The following GABRB2 variants were observed in gnomAD, a reference collection of about 807,000 sequenced individuals.
The protein encoded by GABRB2 is gamma-aminobutyric acid type A receptor subunit beta2, also known as gamma-aminobutyric acid receptor subunit beta-2.
A neutral mutation model predicts 54.7 loss-of-function variants in GABRB2; 16 were observed. The ratio of observed to expected loss-of-function variants is 0.29; its 90% CI spans 0.20 to 0.44. The LOEUF (loss-of-function observed/expected upper bound fraction) is 0.44, where lower values mean the gene tolerates loss of function less well. GABRB2 is among the 20% of genes least tolerant of loss of function. GABRB2 has a pLI of 1.00. For missense variants in GABRB2, 355 were observed against 644.0 expected, an observed-to-expected ratio of 0.55 and a Z score of 4.86; for synonymous variants, 244 against 233.8, an observed-to-expected ratio of 1.04 and a Z score of -0.40.
At chr5:161,544,685 T>G (rs1356743718) in intron 3 of GABRB2, among the ~76,000 whole-genome samples, 4 of 152,110 alleles carry the variant, frequency 2.6e-5, no homozygotes, top group African/African-American at 9.7e-5. Flanking sequence ...ATTTTTATTT[T>G]GGTGGGCAGG....
intron 9 of GABRB2, among the ~76,000 whole-genome samples, chr5:161,310,434 C>T (rs774445943): frequency 3.3e-5 from 5 of 152,208 alleles, no homozygotes; most frequent in Non-Finnish European, 7.3e-5. Flanking sequence ...CTGGAAGCCA[C>T]CTTATCTCAG....
chr5:161,442,807 T>G (rs186130677), intron 4 of GABRB2, among the ~76,000 whole-genome samples: 1 of 152,224 alleles, frequency 6.6e-6, no homozygotes, highest in East Asian at 1.9e-4. Flanking sequence ...CCCTGTGACA[T>G]GTTCCCCCAT....
At chr5:161,449,422 C>T (rs531878185) in intron 4 of GABRB2, among the ~76,000 whole-genome samples, 74 of 152,236 alleles carry the variant, frequency 4.9e-4, no homozygotes, top group African/African-American at 1.7e-3. Context: ...CTAATTAAAA[C>T]TCTGCTTTAA....
chr5:161,503,869 AT>A (rs1017389748), intron 3 of GABRB2, among the ~76,000 whole-genome samples: 84 of 152,296 alleles, frequency 5.5e-4, no homozygotes, highest in African/African-American at 2.2e-4. Context: ...AATGAAAAAA[AT>A]ATCCTAATAC....
At chr5:161,499,850 T>C (rs1186403367) in intron 3 of GABRB2, among the ~76,000 whole-genome samples, 2 of 152,150 alleles carry the variant, frequency 1.3e-5, no homozygotes, top group Non-Finnish European at 2.9e-5. Context: ...TGCTTGTCTC[T>C]ATTAATAATT....
intron 3 of GABRB2, among the ~76,000 whole-genome samples, chr5:161,523,377 G>A (rs931829200): frequency 2.6e-5 from 4 of 151,374 alleles, no homozygotes; most frequent in African/African-American, 9.7e-5. Flanking sequence ...ATCCGACTGT[G>A]TTACATTTGT....
intron 4 of GABRB2, among the ~76,000 whole-genome samples, chr5:161,455,093 A>G (rs1757911050): frequency 6.6e-6 from 1 of 152,216 alleles, no homozygotes; most frequent in African/African-American, 2.4e-5. Flanking sequence ...GACCACTATA[A>G]CTTAATGCAA....
chr5:161,530,203 A>G (rs1037687787), intron 3 of GABRB2, among the ~76,000 whole-genome samples: 1 of 152,144 alleles, frequency 6.6e-6, no homozygotes. Flanking sequence ...AAGGGAGAAC[A>G]TGAACAATTA....
At chr5:161,532,253 T>C (rs1314954881) in intron 3 of GABRB2, among the ~76,000 whole-genome samples, 1 of 152,140 alleles carries the variant, frequency 6.6e-6, no homozygotes, top group Non-Finnish European at 1.5e-5. Context: ...ACGTGTAGCA[T>C]ATCTGTGTGT....
At chr5:161,334,511 G>A (rs73797576) in intron 7 of GABRB2, among the ~76,000 whole-genome samples, 1 of 152,088 alleles carries the variant, frequency 6.6e-6, no homozygotes, top group East Asian at 1.9e-4. Flanking sequence ...AAACTGATGG[G>A]ACTAATCTCA....
intron 4 of GABRB2, among the ~76,000 whole-genome samples, chr5:161,437,582 C>G (rs958270194): frequency 2.0e-5 from 3 of 151,748 alleles, no homozygotes; most frequent in African/African-American, 7.3e-5. Flanking sequence ...GAGCAGAGCA[C>G]CAAGTGGGCT....
intron 3 of GABRB2, among the ~76,000 whole-genome samples, chr5:161,526,244 G>A (rs1760275728): frequency 6.6e-6 from 1 of 151,382 alleles, no homozygotes; most frequent in Admixed American, 6.6e-5. Flanking sequence ...GCAATTCAAT[G>A]TGTTCAAAAT....
At position 161,489,357 on chromosome 5, in the gene GABRB2, G is replaced by A. The variant is rs942516859; in HGVS notation, c.238-29513C>T. ...ATAATGGGTAACATTGATTTAGCTC[G>A]CAGTCTGTGCCAAGCAATTTACATA... On this transcript the variant is annotated intron_variant, in intron 3 of 9. Coordinates refer to ENST00000393959, the MANE Select transcript of GABRB2 (RefSeq NM_001371727.1). Among the ~76,000 whole-genome samples, 8 of 151,588 alleles carry A rather than the reference G, an allele frequency of 5.3e-5. No individual in the cohort carries two copies. The East Asian group carries it at 5.8e-4, about 11-fold the overall frequency.
chr5:161,365,601 A>G (rs1371563886), intron 5 of GABRB2, among the ~76,000 whole-genome samples: 1 of 152,216 alleles, frequency 6.6e-6, no homozygotes, highest in Non-Finnish European at 1.5e-5. Context: ...TTTAATGCAC[A>G]TTAAGTAACC....
intron 4 of GABRB2, among the ~76,000 whole-genome samples, chr5:161,453,034 C>T (rs1335984929): frequency 6.6e-6 from 1 of 152,142 alleles, no homozygotes. Context: ...TATCATTTTT[C>T]TTTAAACTAT....
chr5:161,526,925 G>C (rs117705328), intron 3 of GABRB2, among the ~76,000 whole-genome samples: 1 of 151,304 alleles, frequency 6.6e-6, no homozygotes, highest in Non-Finnish European at 1.5e-5. Context: ...AACCAATCCC[G>C]TTGAGAAGTA....
At chr5:161,512,476 C>T (rs1385066849) in intron 3 of GABRB2, among the ~76,000 whole-genome samples, 2 of 152,060 alleles carry the variant, frequency 1.3e-5, no homozygotes, top group Non-Finnish European at 2.9e-5. Flanking sequence ...AAGGGACTCT[C>T]TACTCAATAA....
intron 9 of GABRB2, among the ~76,000 whole-genome samples, chr5:161,324,533 G>A (rs1430427612): frequency 1.3e-5 from 2 of 152,094 alleles, no homozygotes; most frequent in African/African-American, 4.8e-5. Context: ...AGGAATTAAA[G>A]CTTGGAAAGG....
chr5:161,499,454 T>C (rs954873515), intron 3 of GABRB2, among the ~76,000 whole-genome samples: 4 of 152,156 alleles, frequency 2.6e-5, no homozygotes, highest in African/African-American at 7.2e-5. Context: ...TGAAAGTTCA[T>C]GGACTTCCTC....
Sources: gnomAD v4.1 joint callset for allele counts (sites outside exome capture counted in the v4.1 genomes callset) on GRCh38, gnomAD v4.1.1 for gene constraint, MANE v1.5 for transcripts, NCBI Gene and HGNC (gene_info 2026-07-23, HGNC 2026-07-21) for gene names.